Variants in NUDT12 observed in about 807,000 individuals in gnomAD.
NUDT12 encodes NAD-capped RNA hydrolase NUDT12.
Under a neutral mutation model 45.7 loss-of-function variants are expected in NUDT12, and 42 were observed. That is an observed-to-expected ratio of 0.92 (90% CI 0.72 to 1.19). The LOEUF is 1.19. Ranked by LOEUF, NUDT12 falls within the 50% of genes most tolerant of loss-of-function variation. The pLI is 0.00. For synonymous variants in NUDT12, 206 were observed against 179.7 expected (o/e 1.15, Z -1.17); for missense variants, 590 against 533.1 (o/e 1.11, Z -1.05).
chr5:103,553,108 T>C (rs1401669380), intron 5 of NUDT12, among the ~76,000 whole-genome samples: 1 of 152,042 alleles, frequency 6.6e-6, no homozygotes, highest in Non-Finnish European at 1.5e-5. Context: ...TTTAGCAAAA[T>C]ATATTTTAAA....
At chr5:103,554,685 A>T in intron 5 of NUDT12, 55 bp downstream of exon 5, 3 of 612,090 alleles carry the variant, frequency 4.9e-6, no homozygotes, top group Middle Eastern at 4.8e-4. Context: ...AATGTTACCT[A>T]AACTTTGTAT....
At position 103,550,938 on chromosome 5, in the gene NUDT12, C is replaced by A. The variant is rs376786608; in HGVS notation, c.1312G>T (p.Ala438Ser). 2 of 1,613,576 alleles carry A rather than the reference C, an allele frequency of 1.2e-6. No homozygotes were observed. The highest frequency in any genetic ancestry group is 1.7e-6 in the Non-Finnish European group (2 of 1,179,814). The change falls in exon 7 of 7, where the codon GCA becomes TCA. Residue 438 changes from alanine to serine, a missense_variant. Ala to Ser is a moderately conservative substitution (Grantham distance 99, BLOSUM62 1). Transcript: ENST00000230792. Reference protein sequence around the residue: ...LDVLTKGKQQAFFVPPSRAIA... With the variant: ...LDVLTKGKQQSFFVPPSRAIA... Reference sequence around the variant, plus strand: ...GCTCGGCTTGGTGGCACAAAGAATGCCTGCTGCTTCCCTTTGGTCAGAACA... The same window carrying A: ...GCTCGGCTTGGTGGCACAAAGAATGACTGCTGCTTCCCTTTGGTCAGAACA...
At position 103,554,849 on chromosome 5, in the gene NUDT12, T is replaced by C. The variant is rs1748763479; in HGVS notation, c.969A>G (p.Pro323=). 1 of 1,412,430 alleles carries C rather than the reference T, an allele frequency of 7.1e-7. No individual in the cohort carries two copies. The highest frequency in any genetic ancestry group is 9.6e-7 in the Non-Finnish European group (1 of 1,046,200). The allele number at this position is 1,412,430 out of a possible 1,614,324, so 87.5% of individuals were successfully genotyped here. A position where few individuals can be genotyped will look rare whatever the true frequency, so the allele number is the denominator to read the frequency against. ...VHNTSYPRVD[P]VVIMQVIHPD... is the part of the protein sequence containing the mutation. ...GATGAATAACTTGCATGATTACTAC[T>C]GGATCTGTTGAAAAAAAAAATCAGA... Residue 323 remains proline, a synonymous_variant, in exon 5 of 7, where the codon CCA becomes CCG. Transcript: ENST00000230792.
At chr5:103,554,711 T>G (rs528148908) in intron 5 of NUDT12, 29 bp downstream of exon 5, 118 of 796,222 alleles carry the variant, frequency 1.5e-4, no homozygotes, top group Non-Finnish European at 2.1e-4. Context: ...AATTATAAAT[T>G]AAATATAAAT....
At chr5:103,557,585 A>AAAACAAAAT (rs1748868379) in intron 3 of NUDT12, among the ~76,000 whole-genome samples, 1 of 20,998 alleles carries the variant, frequency 4.8e-5, no homozygotes, top group Admixed American at 3.6e-4. Context: ...GATGCTTTAA[A>AAAACAAAAT]AAACAAAACA....
chr5:103,560,214 A>G lies in NUDT12; in HGVS notation c.35T>C (p.Ile12Thr). ...SSVKRSLKQE[I>T]VTQFHCSAAE... ...AGCTGAACAGTGAAACTGAGTAACT[A>G]TTTCTTGCTTCAGACTTCTTTTTAC... Residue 12 changes from isoleucine (I) to threonine (T), a missense_variant, in exon 2 of 7, where the codon ATA becomes ACA. Coordinates refer to ENST00000230792, the MANE Select transcript of NUDT12 (RefSeq NM_031438.4). 1.2e-6 allele frequency: 2 copies of G among 1,613,802 alleles called. No homozygotes were observed. The highest frequency in any genetic ancestry group is 2.7e-5 in the African/African-American group (2 of 75,026).
intron 2 of NUDT12, 28 bp downstream of exon 2, chr5:103,560,015 T>G (rs1210322950): frequency 3.3e-6 from 5 of 1,509,766 alleles, no homozygotes; most frequent in Non-Finnish European, 4.6e-6. Context: ...CACAAACCCT[T>G]TCAGGTGGTA....
At chr5:103,553,908 A>C (rs574704032) in intron 5 of NUDT12, among the ~76,000 whole-genome samples, 4 of 152,162 alleles carry the variant, frequency 2.6e-5, no homozygotes, top group African/African-American at 9.6e-5. Context: ...CAAATTATTT[A>C]GTCCCTATGC....
At position 103,548,996 on chromosome 5, in the gene NUDT12, G is replaced by A. The variant is rs1480385408; in HGVS notation, c.*1865C>T. On this transcript the variant is annotated 3_prime_UTR_variant, in exon 7 of 7. Transcript: ENST00000230792. ...CCTCTCAGAGGTTGGCAATTTAAGA[G>A]TTGTTATTAAAATAATAATTTACCT... is the stretch of plus-strand genomic sequence containing the variant. The A allele has an allele frequency of 6.6e-6, 1 of 152,016 alleles. No homozygotes were observed. Among genetic ancestry groups the A allele is most frequent in the Admixed American group, 6.6e-5 (1 of 15,240 alleles). The allele number at this position is 152,016 out of a possible 1,614,324, so 9.4% of individuals were successfully genotyped here.
At chr5:103,558,435 C>A (rs1001187508) in intron 3 of NUDT12, among the ~76,000 whole-genome samples, 1 of 152,084 alleles carries the variant, frequency 6.6e-6, no homozygotes, top group Admixed American at 6.6e-5. Context: ...AATTTATGCT[C>A]TATGATGCAG....
rs1453714427 is a variant in NUDT12 at position 103,549,211 on chromosome 5, C to A, written c.*1650G>T. 1 of 152,006 alleles carries A rather than the reference C, an allele frequency of 6.6e-6. No individual in the cohort carries two copies. The highest frequency in any genetic ancestry group is 1.9e-4 in the East Asian group (1 of 5,190). The allele number at this position is 152,006 out of a possible 1,614,324, so 9.4% of individuals were successfully genotyped here. On this transcript the variant is annotated 3_prime_UTR_variant, in exon 7 of 7. Coordinates refer to ENST00000230792, the MANE Select transcript of NUDT12 (RefSeq NM_031438.4). ...AACTGAATTTCAAGATGCTCTATTTCATAATAATCAAGGTACATTATTTTC... is the reference window on the plus strand; with the variant it reads ...AACTGAATTTCAAGATGCTCTATTTAATAATAATCAAGGTACATTATTTTC...
intron 3 of NUDT12, 107 bp from the exon 4 acceptor site, chr5:103,556,205 G>A: frequency 7.4e-6 from 5 of 677,936 alleles, no homozygotes; most frequent in Non-Finnish European, 1.1e-5. Flanking sequence ...GTGATCAGGG[G>A]TTTTAGTATT....
At chr5:103,561,383 T>A (rs1180417729) in intron 1 of NUDT12, among the ~76,000 whole-genome samples, 1 of 152,212 alleles carries the variant, frequency 6.6e-6, no homozygotes, top group African/African-American at 2.4e-5. Context: ...TGTCTCATTT[T>A]GGAGCTGTTC....
intron 5 of NUDT12, among the ~76,000 whole-genome samples, chr5:103,553,394 TC>T (rs1748717448): frequency 2.0e-5 from 3 of 152,012 alleles, no homozygotes; most frequent in Admixed American, 1.3e-4. Flanking sequence ...AAAAAGATGT[TC>T]CATAGGCAAG....
chr5:103,550,954 G>C lies in NUDT12; in HGVS notation c.1296C>G (p.Thr432=), dbSNP rs1277436362. 2 of 1,613,278 alleles carry C rather than the reference G, an allele frequency of 1.2e-6. No individual in the cohort carries two copies. The highest frequency in any genetic ancestry group is 1.1e-5 in the South Asian group (1 of 91,064). The change falls in exon 7 of 7, where the codon ACC becomes ACG. Residue 432 remains threonine, a synonymous_variant. Coordinates refer to ENST00000230792, the MANE Select transcript of NUDT12 (RefSeq NM_031438.4). The stretch of plus-strand genomic sequence containing the variant: ...CAAAGAATGCCTGCTGCTTCCCTTT[G>C]GTCAGAACATCCAGGACCTAAAACA... ...FTREQVLDVL[T]KGKQQAFFVP...
chr5:103,560,198 G>T lies in NUDT12; in HGVS notation c.51C>A (p.His17Gln). The change falls in exon 2 of 7, where the codon CAC becomes CAA. Residue 17 changes from histidine to glutamine, a missense_variant. Transcript: ENST00000230792. ...SLKQEIVTQFHCSAAEGDIAK... is the reference protein window; with the variant it reads ...SLKQEIVTQFQCSAAEGDIAK... Reference sequence around the variant, plus strand: ...CAATATCTCCTTCAGCAGCTGAACAGTGAAACTGAGTAACTATTTCTTGCT... The same window carrying T: ...CAATATCTCCTTCAGCAGCTGAACATTGAAACTGAGTAACTATTTCTTGCT... 6.2e-7 allele frequency: 1 copy of T among 1,613,872 alleles called. No individual in the cohort carries two copies. The highest frequency in any genetic ancestry group is 8.5e-7 in the Non-Finnish European group (1 of 1,179,760).
At chr5:103,551,938 A>C (rs1050436006) in intron 6 of NUDT12, among the ~76,000 whole-genome samples, 3 of 152,168 alleles carry the variant, frequency 2.0e-5, no homozygotes, top group African/African-American at 7.2e-5. Context: ...TTCTAAACCC[A>C]CTGATAGGTA....
At position 103,554,815 on chromosome 5, in the gene NUDT12, TC is replaced by T; in HGVS notation, c.1002del (p.Thr335ProfsTer5). On this transcript the variant is annotated frameshift_variant, in exon 5 of 7. Coordinates refer to ENST00000230792, the MANE Select transcript of NUDT12 (RefSeq NM_031438.4). LOFTEE classifies it high-confidence loss of function. Reference protein sequence around the residue: ...VVIMQVIHPDGTKCLLGRQKR... With the variant: ...VVIMQVIHPDXTKCLLGRQKR... ...TTCTGCCTGCCTAAAAGGCATTTGGTCCCATCTGGATGAATAACTTGCATGA... is the reference window on the plus strand; with the variant it reads ...TTCTGCCTGCCTAAAAGGCATTTGGTCCATCTGGATGAATAACTTGCATGA... 1 of 1,565,472 alleles carries T rather than the reference TC, an allele frequency of 6.4e-7. No homozygotes were observed. Among genetic ancestry groups the T allele is most frequent in the Non-Finnish European group, 8.7e-7 (1 of 1,150,728 alleles).
intron 2 of NUDT12, 95 bp from the exon 3 acceptor site, chr5:103,559,563 T>A: frequency 1.7e-6 from 1 of 605,446 alleles, no homozygotes; most frequent in Non-Finnish European, 2.6e-6. Flanking sequence ...AGATACATAT[T>A]AAAGTCCTTC....
Sources: allele counts gnomAD v4.1 joint callset (sites outside exome capture counted in the v4.1 genomes callset), GRCh38; gene constraint gnomAD v4.1.1; transcripts MANE v1.5; gene names NCBI Gene and HGNC (gene_info 2026-07-23, HGNC 2026-07-21).